Variants in WDR36 observed in about 807,000 individuals in gnomAD.
WDR36 encodes WD repeat domain 36.
A neutral mutation model predicts 112.7 loss-of-function variants in WDR36; 63 were observed. The observed-to-expected ratio is 0.56, with a 90% CI of 0.46 to 0.69. The LOEUF (loss-of-function observed/expected upper bound fraction) is 0.69, where lower values mean the gene tolerates loss of function less well. Ranked by LOEUF, WDR36 falls within the 30% of genes least tolerant of loss-of-function variation. WDR36 has a pLI of 0.00. For missense variants in WDR36, 1,226 were observed against 1,070.3 expected, an observed-to-expected ratio of 1.15 and a Z score of -2.03; for synonymous variants, 410 against 362.2, an observed-to-expected ratio of 1.13 and a Z score of -1.50.
rs1753732277 is a variant in WDR36, at chr5:111,129,008, T to C, written c.*2125T>C. 5.2e-6 allele frequency: 1 copy of C among 194,126 alleles called. No individual in the cohort carries two copies. Among genetic ancestry groups the C allele is most frequent in the Non-Finnish European group, 1.1e-5 (1 of 93,176 alleles). The allele number at this position is 194,126 out of a possible 1,614,324, so 12.0% of individuals were successfully genotyped here. A position where few individuals can be genotyped will look rare whatever the true frequency, so the allele number is the denominator to read the frequency against. Reference sequence around the variant, plus strand: ...ATATTATCTACAGCCACAGGAAATGTATAGTTACGATTTTTACATACGTGT... The same window carrying C: ...ATATTATCTACAGCCACAGGAAATGCATAGTTACGATTTTTACATACGTGT... On this transcript the variant is annotated 3_prime_UTR_variant, in exon 23 of 23. Coordinates refer to ENST00000513710, the MANE Select transcript of WDR36 (RefSeq NM_139281.3).
intron 12 of WDR36, among the ~76,000 whole-genome samples, chr5:111,108,532 A>T (rs983783983): frequency 1.3e-5 from 2 of 149,610 alleles, no homozygotes; most frequent in African/African-American, 5.0e-5. Flanking sequence ...AACCGTAAAG[A>T]TTCTATCTTA....
chr5:111,114,927 G>A (rs935385908), intron 16 of WDR36, among the ~76,000 whole-genome samples: 4 of 152,092 alleles, frequency 2.6e-5, no homozygotes, highest in African/African-American at 4.8e-5. Context: ...TATTATAAGT[G>A]GTAAATTCGT....
intron 16 of WDR36, 62 bp downstream of exon 16, chr5:111,113,215 T>C: frequency 9.4e-7 from 1 of 1,064,236 alleles, no homozygotes; most frequent in Non-Finnish European, 1.4e-6. Context: ...TTTTCACATG[T>C]GACTTTTACC....
Position 111,098,827 on chromosome 5 carries a change from A to G in WDR36, c.397A>G (p.Ile133Val), listed in dbSNP as rs1220133950. ...DTDGILIIWHIYSEEEYLQLT... is the reference protein window; with the variant it reads ...DTDGILIIWHVYSEEEYLQLT... ...TGATGGCATTCTTATTATTTGGCAC[A>G]TATATTCAGAAGGTAAGAGTTAACT... is the stretch of plus-strand genomic sequence containing the variant. Residue 133 changes from isoleucine (I) to valine (V), a missense_variant, in exon 4 of 23, where the codon ATA (isoleucine) becomes GTA (valine). Coordinates refer to ENST00000513710, the MANE Select transcript of WDR36 (RefSeq NM_139281.3). 9 of 1,596,518 alleles carry G rather than the reference A, an allele frequency of 5.6e-6. No individual in the cohort carries two copies. Among genetic ancestry groups the G allele is most frequent in the South Asian group, 4.4e-5 (4 of 90,714 alleles).
rs141993835 is a variant in WDR36, at chr5:111,105,345, A to G, written c.1078A>G (p.Lys360Glu). ...TTCCACGGTACATGAAAAATTCAATAAGAGCTTGGGACATGGTAGGTCCTC... is the reference window on the plus strand; with the variant it reads ...TTCCACGGTACATGAAAAATTCAATGAGAGCTTGGGACATGGTAGGTCCTC... Reference protein sequence around the residue: ...SFSTVHEKFNKSLGHGLINKK... With the variant: ...SFSTVHEKFNESLGHGLINKK... Residue 360 changes from lysine (K) to glutamate (E), a missense_variant, in exon 10 of 23, where the codon AAG becomes GAG. Physicochemically the swap from Lys to Glu is moderately conservative, Grantham distance 56. Transcript: ENST00000513710. 2.5e-6 allele frequency: 4 copies of G among 1,609,954 alleles called. No homozygotes were observed. The highest frequency in any genetic ancestry group is 1.7e-6 in the Non-Finnish European group (2 of 1,177,146).
chr5:111,093,251 A>C (rs1248250146), intron 1 of WDR36, among the ~76,000 whole-genome samples: 1 of 152,210 alleles, frequency 6.6e-6, no homozygotes, highest in Admixed American at 6.5e-5. Flanking sequence ...CTCCTATAAC[A>C]GTTCATCGAT....
rs1561705907 is a variant in WDR36 at position 111,110,260 on chromosome 5, C to T, written c.1398C>T (p.Asn466=). ...GLSSGTVDVY[N]MQSGIHRGSF... is the part of the protein sequence containing the mutation. ...CATCAGGAACTGTAGATGTATATAA[C>T]ATGCAGTCTGGCATACATCGAGGAA... Residue 466 remains asparagine, a synonymous_variant, in exon 13 of 23, where the codon AAC becomes AAT. Coordinates refer to ENST00000513710, the MANE Select transcript of WDR36 (RefSeq NM_139281.3). 1 of 1,610,974 alleles carries T rather than the reference C, an allele frequency of 6.2e-7. No individual in the cohort carries two copies. The highest frequency in any genetic ancestry group is 8.5e-7 in the Non-Finnish European group (1 of 1,177,734).
intron 4 of WDR36, 88 bp from the exon 5 acceptor site, chr5:111,100,501 A>C (rs1753101310): frequency 2.3e-6 from 2 of 883,208 alleles, no homozygotes; most frequent in Admixed American, 2.7e-5. Context: ...CTTTGATGTG[A>C]TAGACTTACT....
intron 4 of WDR36, 108 bp downstream of exon 4, chr5:111,098,947 G>A: frequency 4.9e-6 from 4 of 811,924 alleles, no homozygotes; most frequent in Non-Finnish European, 6.1e-6. Context: ...TAAATAGTAA[G>A]AAATTAAAAA....
intron 10 of WDR36, among the ~76,000 whole-genome samples, chr5:111,105,825 T>A (rs1753212278): frequency 6.6e-6 from 1 of 151,636 alleles, no homozygotes; most frequent in Non-Finnish European, 1.5e-5. Context: ...TAAGTTACTA[T>A]CTTATACTGT....
intron 12 of WDR36, 64 bp from the exon 13 acceptor site, chr5:111,110,125 G>T: frequency 8.7e-7 from 1 of 1,151,240 alleles, no homozygotes; most frequent in South Asian, 1.2e-5. Context: ...AAAATGCTTT[G>T]GAAAGCATAA....
At chr5:111,122,371 G>A (rs1753584025) in intron 19 of WDR36, among the ~76,000 whole-genome samples, 1 of 152,164 alleles carries the variant, frequency 6.6e-6, no homozygotes, top group Non-Finnish European at 1.5e-5. Flanking sequence ...TTATCTTTAT[G>A]ATAGGAATAT....
chr5:111,115,350 C>G (rs1025381418), intron 16 of WDR36, among the ~76,000 whole-genome samples: 1 of 152,080 alleles, frequency 6.6e-6, no homozygotes, highest in Admixed American at 6.6e-5. Context: ...ACTGTTTATG[C>G]TTTTATTTTT....
intron 1 of WDR36, among the ~76,000 whole-genome samples, chr5:111,093,419 G>T (rs758336875): frequency 6.6e-6 from 1 of 152,200 alleles, no homozygotes; most frequent in Non-Finnish European, 1.5e-5. Context: ...TCTCTTGGAG[G>T]ATTGTGAATA....
At chr5:111,098,306 C>T (rs554060733) in intron 3 of WDR36, among the ~76,000 whole-genome samples, 2 of 148,608 alleles carry the variant, frequency 1.3e-5, no homozygotes, top group East Asian at 1.9e-4. Flanking sequence ...GACCCTATAT[C>T]CCCCTTTCCC....
intron 9 of WDR36, 100 bp downstream of exon 9, chr5:111,104,917 CTCTT>C (rs1753195429): frequency 6.4e-6 from 10 of 1,558,280 alleles, no homozygotes; most frequent in Admixed American, 1.7e-5. Context: ...ATTCACATAT[CTCTT>C]TGAGTGACTT....
chr5:111,111,193 A>G lies in WDR36; in HGVS notation c.1631A>G (p.Asp544Gly), dbSNP rs536504219. Reference sequence around the variant, plus strand: ...AGTGGCATTCTGGGACTCGCCTTGGATGACTTCTCCATTAGTGTTCTGGAC... The same window carrying G: ...AGTGGCATTCTGGGACTCGCCTTGGGTGACTTCTCCATTAGTGTTCTGGAC... ...RDSGILGLAL[D>G]DFSISVLDIE... Residue 544 changes from aspartate (D) to glycine (G), a missense_variant, in exon 15 of 23, where the codon GAT (aspartate) becomes GGT (glycine). Coordinates refer to ENST00000513710, the MANE Select transcript of WDR36 (RefSeq NM_139281.3). The G allele has an allele frequency of 2.5e-6, 4 of 1,611,924 alleles. No homozygotes were observed. The highest frequency in any genetic ancestry group is 2.5e-6 in the Non-Finnish European group (3 of 1,178,342).
intron 1 of WDR36, among the ~76,000 whole-genome samples, chr5:111,094,696 C>T (rs1166952076): frequency 2.6e-5 from 4 of 152,062 alleles, no homozygotes; most frequent in Admixed American, 1.3e-4. Context: ...TAATATTTGG[C>T]CCATTATAGA....
At chr5:111,102,834 A>G (rs1378927803) in intron 6 of WDR36, among the ~76,000 whole-genome samples, 1 of 151,660 alleles carries the variant, frequency 6.6e-6, no homozygotes, top group Non-Finnish European at 1.5e-5. Flanking sequence ...TATTTAAGAA[A>G]TAACTGCTTT....
Sources: gnomAD v4.1 joint callset for allele counts (sites outside exome capture counted in the v4.1 genomes callset) on GRCh38, gnomAD v4.1.1 for gene constraint, MANE v1.5 for transcripts, NCBI Gene and HGNC (gene_info 2026-07-23, HGNC 2026-07-21) for gene names.